Variants in TRPM3 observed in about 807,000 individuals in gnomAD.
TRPM3 encodes transient receptor potential cation channel subfamily M member 3, also known as long transient receptor potential channel 3.
A neutral mutation model predicts 181.2 loss-of-function variants in TRPM3; 77 were observed. The observed-to-expected ratio is 0.42, with a 90% CI of 0.35 to 0.51. The LOEUF (loss-of-function observed/expected upper bound fraction) is 0.51. Ranked by LOEUF, TRPM3 falls within the 20% of genes least tolerant of loss-of-function variation. The probability of loss-of-function intolerance (pLI) is 0.01; values close to 1 mark genes in which losing one functional copy is unlikely to be tolerated. For missense variants in TRPM3, 1,759 were observed against 2,196.7 expected (o/e 0.80, Z 3.98); for synonymous variants, 745 against 796.4 (o/e 0.94, Z 1.09).
At chr9:70,670,399 C>T (rs2062688139) in intron 9 of TRPM3, among the ~76,000 whole-genome samples, 1 of 152,160 alleles carries the variant, frequency 6.6e-6, no homozygotes, top group South Asian at 2.1e-4. Context: ...TTATTGAATT[C>T]TCCTGTTAGA....
chr9:70,819,721 A>G (rs2093005895), intron 6 of TRPM3, among the ~76,000 whole-genome samples: 1 of 152,228 alleles, frequency 6.6e-6, no homozygotes, highest in African/African-American at 2.4e-5. Flanking sequence ...TACATATGAC[A>G]TAGATTTCAC....
At chr9:71,168,559 TATTTATTTATTTA>T (rs2076661044) in intron 1 of TRPM3, among the ~76,000 whole-genome samples, 1 of 105,682 alleles carries the variant, frequency 9.5e-6, no homozygotes, top group African/African-American at 3.6e-5. Flanking sequence ...TTTATTTATT[TATTTATTTATTTA>T]TTTTTGTTTT....
rs563106665 is a variant in TRPM3 at position 70,758,068 on chromosome 9, T to C, written c.1272+3533A>G. Among the ~76,000 whole-genome samples, 191 of 152,346 alleles carry C rather than the reference T, an allele frequency of 1.3e-3. 1 individual carries two copies. Among genetic ancestry groups the C allele is most frequent in the African/African-American group, 4.3e-3 (178 of 41,584 alleles). On this transcript the variant is annotated intron_variant, in intron 8 of 25. Coordinates refer to ENST00000677713, the MANE Select transcript of TRPM3 (RefSeq NM_001366145.2). ...TGTGTTTGTACATGACATGATTGTATGTTTAGAAAACCCCATCGTCTCAGC... is the reference window on the plus strand; with the variant it reads ...TGTGTTTGTACATGACATGATTGTACGTTTAGAAAACCCCATCGTCTCAGC...
At chr9:70,813,633 A>G (rs1302500740) in intron 6 of TRPM3, among the ~76,000 whole-genome samples, 2 of 152,128 alleles carry the variant, frequency 1.3e-5, no homozygotes, top group Non-Finnish European at 2.9e-5. Context: ...ACAAAACTGT[A>G]CCTGCACCTC....
chr9:70,642,984 G>A (rs2058289871), intron 9 of TRPM3, among the ~76,000 whole-genome samples: 1 of 152,106 alleles, frequency 6.6e-6, no homozygotes, highest in South Asian at 2.1e-4. Flanking sequence ...CCCTTCGTAG[G>A]TTGAAGAGCA....
At chr9:71,279,295 C>T (rs1364926681) in intron 1 of TRPM3, among the ~76,000 whole-genome samples, 1 of 151,880 alleles carries the variant, frequency 6.6e-6, no homozygotes, top group African/African-American at 2.4e-5. Flanking sequence ...AGAAAATATA[C>T]TATGAAAAAA....
chr9:71,440,833 A>G (rs2131669833), intron 1 of TRPM3, among the ~76,000 whole-genome samples: 1 of 152,352 alleles, frequency 6.6e-6, no homozygotes, highest in East Asian at 1.9e-4. Context: ...TGAAAGAAAT[A>G]AAAAGTAAAA....
intron 1 of TRPM3, among the ~76,000 whole-genome samples, chr9:71,159,651 G>T (rs540570393): frequency 6.6e-6 from 1 of 152,128 alleles, no homozygotes; most frequent in African/African-American, 2.4e-5. Context: ...CTTTTTCAGT[G>T]AAAAATAGCT....
At chr9:71,109,850 A>C (rs1299230273) in intron 1 of TRPM3, among the ~76,000 whole-genome samples, 1 of 152,138 alleles carries the variant, frequency 6.6e-6, no homozygotes, top group Non-Finnish European at 1.5e-5. Flanking sequence ...GGAGTAACTG[A>C]ACCCACCACA....
intron 1 of TRPM3, among the ~76,000 whole-genome samples, chr9:71,432,746 A>G (rs1001348655): frequency 3.3e-5 from 5 of 152,206 alleles, no homozygotes; most frequent in African/African-American, 1.2e-4. Flanking sequence ...ACTTTGTGAT[A>G]TGAAGCCAAA....
At chr9:71,228,543 T>C (rs1030204140) in intron 1 of TRPM3, among the ~76,000 whole-genome samples, 1 of 152,192 alleles carries the variant, frequency 6.6e-6, no homozygotes, top group Non-Finnish European at 1.5e-5. Context: ...TTATCCTTGT[T>C]TGCAGATGAT....
At chr9:70,783,635 A>T (rs2082957970) in intron 7 of TRPM3, among the ~76,000 whole-genome samples, 1 of 152,182 alleles carries the variant, frequency 6.6e-6, no homozygotes, top group Non-Finnish European at 1.5e-5. Context: ...GAGAAGCCTG[A>T]TGGCACGATC....
At chr9:70,669,722 TTTTCTTTC>T (rs565129714) in intron 9 of TRPM3, among the ~76,000 whole-genome samples, 16 of 150,822 alleles carry the variant, frequency 1.1e-4, no homozygotes, top group South Asian at 2.1e-4. Context: ...TTTTCTTTTC[TTTTCTTTC>T]TTTCTTTCTT....
At position 71,168,004 on chromosome 9, in the gene TRPM3, T is replaced by C. The variant is rs542896667; in HGVS notation, c.183+278649A>G. Among the ~76,000 whole-genome samples, 7 of 152,314 alleles carry C rather than the reference T, an allele frequency of 4.6e-5. 1 individual carries two copies. Among genetic ancestry groups the C allele is most frequent in the Non-Finnish European group, 1.0e-4 (7 of 68,014 alleles). On this transcript the variant is annotated intron_variant, in intron 1 of 24. Transcript: ENST00000357533. ...AAAAATAAGTGCACTATGACATACC[T>C]CATTTAGAGGAAGAACTGTTATTAT...
chr9:71,070,311 T>C lies in TRPM3; in HGVS notation c.177+50867A>G, dbSNP rs553063139. Among the ~76,000 whole-genome samples the C allele has an allele frequency of 9.6e-4, 146 of 152,330 alleles. 1 individual carries two copies. Among genetic ancestry groups the C allele is most frequent in the African/African-American group, 3.3e-3 (137 of 41,580 alleles). On this transcript the variant is annotated intron_variant, in intron 1 of 25. Transcript: ENST00000677713. ...GTACTTTGTCTACTCCATCAGGTCA[T>C]GAATGATGCATGCTGCAACAAGAAA...
intron 8 of TRPM3, among the ~76,000 whole-genome samples, chr9:70,756,010 A>G (rs2077018852): frequency 2.0e-5 from 3 of 152,144 alleles, no homozygotes; most frequent in South Asian, 4.1e-4. Flanking sequence ...AAATGCCCCA[A>G]TTAAAAGACA....
intron 1 of TRPM3, among the ~76,000 whole-genome samples, chr9:70,983,278 A>G (rs1457633040): frequency 6.6e-6 from 1 of 152,076 alleles, no homozygotes; most frequent in Non-Finnish European, 1.5e-5. Context: ...CCAAGCCATT[A>G]AATACAGGAG....
In TRPM3 at chr9:70,864,535, A is replaced by AAAAAG. The variant is rs749123896; in HGVS notation, c.178-25_178-24insCTTTT. 2.0e-4 allele frequency: 289 copies of AAAAAG among 1,465,394 alleles called. 1 individual carries two copies. In the African/African-American group the frequency reaches 3.7e-3, roughly 19 times the overall value. 90.8% of individuals were successfully genotyped at this position (1,465,394 alleles called of 1,614,324 possible). On this transcript the variant is annotated intron_variant, in intron 1 of 25. Coordinates refer to ENST00000677713, the MANE Select transcript of TRPM3 (RefSeq NM_001366145.2). The stretch of plus-strand genomic sequence containing the variant: ...GCCTGAAAAAGAAAACAAAAAAAAA[A>AAAAAG]AAAAAAGAAAAAAGAAAGAAAGGTG...
At chr9:70,940,855 C>T (rs2133551708) in intron 1 of TRPM3, among the ~76,000 whole-genome samples, 2 of 152,272 alleles carry the variant, frequency 1.3e-5, no homozygotes, top group South Asian at 4.2e-4. Context: ...ATTTGAATAA[C>T]TGAAGCAAGG....
Sources: gnomAD v4.1 joint callset for allele counts (sites outside exome capture counted in the v4.1 genomes callset) on GRCh38, gnomAD v4.1.1 for gene constraint, MANE v1.5 for transcripts, NCBI Gene and HGNC (gene_info 2026-07-23, HGNC 2026-07-21) for gene names.